Variants in CDK13 observed in about 807,000 individuals in gnomAD.
The protein encoded by CDK13 is cyclin-dependent kinase 13.
CDK13 carries 40 observed loss-of-function variants against 137.6 expected under a neutral mutation model. The observed-to-expected ratio is 0.29, with a 90% CI of 0.23 to 0.38. CDK13 has a LOEUF of 0.38. Ranked by LOEUF, CDK13 falls within the 10% of genes least tolerant of loss-of-function variation. The pLI, the probability that CDK13 is intolerant of heterozygous loss-of-function variation, is 1.00. For missense variants in CDK13, 1,704 were observed against 1,951.8 expected, an observed-to-expected ratio of 0.87 and a Z score of 2.39; for synonymous variants, 869 against 760.1, an observed-to-expected ratio of 1.14 and a Z score of -2.36.
chr7:40,015,856 A>G (rs1784992772), intron 5 of CDK13, among the ~76,000 whole-genome samples: 2 of 152,204 alleles, frequency 1.3e-5, no homozygotes, highest in South Asian at 4.1e-4. Flanking sequence ...CAGAAAGAAA[A>G]AAACGAGTCA....
At chr7:40,067,546 AAAAT>A (rs36152688) in intron 9 of CDK13, 36,940 of 151,944 alleles carry the variant, frequency 0.24, 5,200 homozygotes, top group South Asian at 0.4. Context: ...TTGGTCTCAA[AAAAT>A]AAATAAATAA....
intron 3 of CDK13, chr7:39,998,725 C>T (rs1178893994): frequency 6.6e-6 from 1 of 152,076 alleles, no homozygotes; most frequent in Non-Finnish European, 1.5e-5. Flanking sequence ...TATTAAAATA[C>T]TACAAAATTA....
At chr7:39,978,509 C>T (rs1304489786) in intron 1 of CDK13, among the ~76,000 whole-genome samples, 1 of 152,148 alleles carries the variant, frequency 6.6e-6, no homozygotes, top group Non-Finnish European at 1.5e-5. Context: ...ATCAGTATGT[C>T]ATCATTTTCT....
chr7:40,013,753 A>G (rs1199112677), intron 5 of CDK13, among the ~76,000 whole-genome samples: 2 of 152,218 alleles, frequency 1.3e-5, no homozygotes, highest in Non-Finnish European at 2.9e-5. Context: ...GGTTGAATGT[A>G]TGATATGTGA....
At chr7:40,087,562 T>C (rs1786817596) in intron 11 of CDK13, among the ~76,000 whole-genome samples, 1 of 149,502 alleles carries the variant, frequency 6.7e-6, no homozygotes, top group Non-Finnish European at 1.5e-5. Flanking sequence ...TTTTTTTTTT[T>C]TTTTGAGACG....
intron 9 of CDK13, among the ~76,000 whole-genome samples, chr7:40,065,404 G>A (rs1309244395): frequency 6.6e-6 from 1 of 151,938 alleles, no homozygotes; most frequent in Non-Finnish European, 1.5e-5. Context: ...CACACTGGAA[G>A]AAGAATAGTT....
rs547267430 is a variant in CDK13 at position 39,965,987 on chromosome 7, G to A, written c.1211+14135G>A. Among the ~76,000 whole-genome samples, 86 of 152,332 alleles carry A rather than the reference G, an allele frequency of 5.6e-4. 1 individual carries two copies. Among genetic ancestry groups the A allele is most frequent in the African/African-American group, 2.0e-3 (82 of 41,574 alleles). ...TTGTAGAGTATCTGCTGAGAGATCA[G>A]CTGTTAGTCTGATGGGCTTCCCTTT... On this transcript the variant is annotated intron_variant, in intron 1 of 13. Transcript: ENST00000181839.
At chr7:40,049,241 AAG>A (rs898518483) in intron 7 of CDK13, 5 of 150,622 alleles carry the variant, frequency 3.3e-5, no homozygotes, top group African/African-American at 7.3e-5. Context: ...GAAGGAAGGA[AAG>A]AGAGACAGAG....
chr7:39,954,921 C>T (rs190947181), intron 1 of CDK13, among the ~76,000 whole-genome samples: 1 of 152,200 alleles, frequency 6.6e-6, no homozygotes. Context: ...CACATCCAGC[C>T]TGAAGCTTTT....
At chr7:40,017,976 G>C (rs1484682118) in intron 5 of CDK13, among the ~76,000 whole-genome samples, 1 of 149,706 alleles carries the variant, frequency 6.7e-6, no homozygotes, top group Non-Finnish European at 1.5e-5. Context: ...TTTCACTGAT[G>C]TTTTTGTATG....
intron 1 of CDK13, among the ~76,000 whole-genome samples, chr7:39,975,353 A>G (rs1016580854): frequency 6.6e-5 from 10 of 152,262 alleles, no homozygotes; most frequent in Non-Finnish European, 1.3e-4. Context: ...TTGAGGCTGC[A>G]GTGAGCCAAG....
chr7:40,078,279 T>C (rs1471832983), intron 10 of CDK13, 158 bp downstream of exon 10: 1 of 428,658 alleles, frequency 2.3e-6, no homozygotes, highest in Non-Finnish European at 4.1e-6. Flanking sequence ...CAGATTACCA[T>C]TTTACCATTA....
intron 1 of CDK13, among the ~76,000 whole-genome samples, chr7:39,956,980 A>G (rs1046875400): frequency 9.2e-5 from 14 of 151,994 alleles, no homozygotes; most frequent in African/African-American, 2.9e-4. Context: ...TTTTATTTCT[A>G]TTTTTATACT....
At chr7:40,028,218 CTTTTT>C (rs1209452508) in intron 5 of CDK13, among the ~76,000 whole-genome samples, 1 of 118,994 alleles carries the variant, frequency 8.4e-6, no homozygotes, top group Non-Finnish European at 1.7e-5. Context: ...CTTGAATTGA[CTTTTT>C]TTTTTTTTTT....
intron 11 of CDK13, among the ~76,000 whole-genome samples, chr7:40,087,546 GTT>G (rs35686770): frequency 1.7e-4 from 19 of 112,034 alleles, no homozygotes; most frequent in Admixed American, 3.0e-4. Context: ...CAATAGTGGT[GTT>G]TTTTTTTTTT....
chr7:40,065,641 C>T (rs1786264160), intron 9 of CDK13, among the ~76,000 whole-genome samples: 1 of 152,038 alleles, frequency 6.6e-6, no homozygotes, highest in African/African-American at 2.4e-5. Flanking sequence ...AATCCATGGG[C>T]TAATAACCCT....
chr7:40,069,236 A>G (rs571857701), intron 9 of CDK13: 141 of 433,442 alleles, frequency 3.3e-4, no homozygotes, highest in South Asian at 2.3e-3. Flanking sequence ...CCTTGTCTCA[A>G]AAAAACAGAA....
intron 7 of CDK13, among the ~76,000 whole-genome samples, chr7:40,053,330 A>C (rs572321326): frequency 6.6e-6 from 1 of 151,982 alleles, no homozygotes; most frequent in Non-Finnish European, 1.5e-5. Flanking sequence ...AAAAATGTCT[A>C]CTCCTTTTCC....
At chr7:40,024,820 C>T (rs375040773) in intron 5 of CDK13, among the ~76,000 whole-genome samples, 84 of 152,094 alleles carry the variant, frequency 5.5e-4, no homozygotes, top group East Asian at 3.5e-3. Flanking sequence ...TGCGCCAGCA[C>T]GCCTGGCTAA....
Sources: gnomAD v4.1 joint callset for allele counts (sites outside exome capture counted in the v4.1 genomes callset) on GRCh38, gnomAD v4.1.1 for gene constraint, MANE v1.5 for transcripts, NCBI Gene and HGNC (gene_info 2026-07-23, HGNC 2026-07-21) for gene names.